CSMD1: variants seen among roughly 807,000 people sequenced by gnomAD.
CSMD1 encodes CUB and Sushi multiple domains 1, also known as CUB and sushi domain-containing protein 1.
A neutral mutation model predicts 417.5 loss-of-function variants in CSMD1; 213 were observed. The observed-to-expected ratio is 0.51, with a 90% confidence interval of 0.46 to 0.57. CSMD1 has a LOEUF of 0.57. Among genes scored for constraint, CSMD1 ranks in the 20% least tolerant of loss-of-function variants. CSMD1 has a pLI of 0.00. For synonymous variants in CSMD1, 2,862 were observed against 1,736.8 expected, an observed-to-expected ratio of 1.65 and a Z score of -16.11; for missense variants, 6,923 against 4,529.7, an observed-to-expected ratio of 1.53 and a Z score of -15.17.
intron 46 of CSMD1, among the ~76,000 whole-genome samples, chr8:3,106,008 T>A (rs1030193356): frequency 6.6e-6 from 1 of 152,222 alleles, no homozygotes; most frequent in Non-Finnish European, 1.5e-5. Context: ...GGCCTTGGTT[T>A]ATTTTCTAGG....
At chr8:4,481,982 G>A (rs1392439727) in intron 2 of CSMD1, among the ~76,000 whole-genome samples, 1 of 152,058 alleles carries the variant, frequency 6.6e-6, no homozygotes, top group Non-Finnish European at 1.5e-5. Flanking sequence ...ATATTATATA[G>A]GCTTTATCAG....
At chr8:3,957,542 G>A (rs909107562) in intron 5 of CSMD1, among the ~76,000 whole-genome samples, 1 of 151,970 alleles carries the variant, frequency 6.6e-6, no homozygotes, top group African/African-American at 2.4e-5. Flanking sequence ...AAACTAGCTG[G>A]GCATGGCGGG....
intron 51 of CSMD1, 86 bp downstream of exon 51, chr8:3,029,233 C>T (rs1810164783): frequency 1.9e-6 from 2 of 1,072,438 alleles, no homozygotes; most frequent in South Asian, 3.9e-5. Context: ...GATGATAGCT[C>T]CACTAGAGAA....
chr8:4,199,226 G>T (rs867184781), intron 3 of CSMD1, among the ~76,000 whole-genome samples: 7 of 152,126 alleles, frequency 4.6e-5, no homozygotes, highest in Middle Eastern at 6.8e-3. Flanking sequence ...TCCTCTTGAG[G>T]TTAGACCTAG....
chr8:4,533,956 A>T (rs1045226001), intron 2 of CSMD1, among the ~76,000 whole-genome samples: 2 of 149,298 alleles, frequency 1.3e-5, no homozygotes, highest in Admixed American at 1.3e-4. Flanking sequence ...ATTTATATAT[A>T]TAAATATAAA....
At chr8:3,884,872 C>T (rs920720910) in intron 5 of CSMD1, among the ~76,000 whole-genome samples, 2 of 150,220 alleles carry the variant, frequency 1.3e-5, no homozygotes, top group Non-Finnish European at 3.0e-5. Flanking sequence ...GAGAATTTTG[C>T]TACCATAAAA....
At chr8:4,383,824 G>C (rs1041893962) in intron 3 of CSMD1, among the ~76,000 whole-genome samples, 2 of 152,034 alleles carry the variant, frequency 1.3e-5, no homozygotes, top group Non-Finnish European at 2.9e-5. Context: ...TATTGTGAAA[G>C]TGGAACTTGA....
intron 7 of CSMD1, among the ~76,000 whole-genome samples, chr8:3,706,468 C>T (rs2129039042): frequency 6.6e-6 from 1 of 152,276 alleles, no homozygotes; most frequent in Non-Finnish European, 1.5e-5. Flanking sequence ...CTCATTTTCC[C>T]TAATGATTAA....
At chr8:4,729,912 T>C (rs962904968) in intron 1 of CSMD1, among the ~76,000 whole-genome samples, 13 of 152,192 alleles carry the variant, frequency 8.5e-5, no homozygotes, top group Admixed American at 3.3e-4. Context: ...AGCGGGAGTT[T>C]TGATTTTCAT....
intron 26 of CSMD1, among the ~76,000 whole-genome samples, chr8:3,236,388 G>T (rs898552273): frequency 6.6e-6 from 1 of 152,162 alleles, no homozygotes; most frequent in African/African-American, 2.4e-5. Flanking sequence ...AAGATGAAAA[G>T]TTCCTAGAGT....
At chr8:3,284,376 G>GC (rs765700593) in intron 25 of CSMD1, 30 bp from the exon 26 acceptor site, 2 of 1,549,802 alleles carry the variant, frequency 1.3e-6, no homozygotes, top group South Asian at 2.2e-5. Context: ...AGCGCTACTT[G>GC]CCGTGCATCG....
At chr8:4,670,457 C>G (rs1805225114) in intron 1 of CSMD1, among the ~76,000 whole-genome samples, 1 of 152,146 alleles carries the variant, frequency 6.6e-6, no homozygotes, top group Non-Finnish European at 1.5e-5. Context: ...GTCCTGTGAG[C>G]TAGATACGTG....
chr8:3,382,982 G>A (rs1810734944), intron 18 of CSMD1, among the ~76,000 whole-genome samples: 1 of 152,158 alleles, frequency 6.6e-6, no homozygotes, highest in South Asian at 2.1e-4. Context: ...CTTAAACGCT[G>A]TGACAAAGTC....
chr8:4,639,906 A>T (rs1325205394), intron 1 of CSMD1, among the ~76,000 whole-genome samples: 1 of 152,216 alleles, frequency 6.6e-6, no homozygotes, highest in Non-Finnish European at 1.5e-5. Flanking sequence ...CAATAATAAC[A>T]CTGTAACAAG....
intron 1 of CSMD1, among the ~76,000 whole-genome samples, chr8:4,806,957 A>G (rs1039435396): frequency 6.6e-6 from 1 of 152,194 alleles, no homozygotes; most frequent in African/African-American, 2.4e-5. Flanking sequence ...GTTCAATTCT[A>G]TGTGGCATTT....
chr8:4,289,420 TCTC>T lies in CSMD1; in HGVS notation c.415+130530_415+130532del, dbSNP rs569231151. On this transcript the variant is annotated intron_variant, in intron 3 of 69. Transcript: ENST00000635120. ...AGTAGAGGGAGCCAGGGCCTGTGTT[TCTC>T]CTATTTTTTGCACAAACACTCTAAA... Among the ~76,000 whole-genome samples the T allele has an allele frequency of 8.1e-3, 1,239 of 152,310 alleles. 14 individuals are homozygous for T. The highest frequency in any genetic ancestry group is 0.029 in the African/African-American group (1,203 of 41,550).
At chr8:3,955,856 G>A (rs147352491) in intron 5 of CSMD1, among the ~76,000 whole-genome samples, 334 of 152,314 alleles carry the variant, frequency 2.2e-3, no homozygotes, top group African/African-American at 7.7e-3. Context: ...TGAGATCTCT[G>A]TTCCCCCAGG....
chr8:2,956,627 G>A (rs962397905), intron 63 of CSMD1, among the ~76,000 whole-genome samples: 2 of 151,652 alleles, frequency 1.3e-5, no homozygotes, highest in South Asian at 2.1e-4. Flanking sequence ...CTAATTTTTT[G>A]TAGTTTTTTT....
At chr8:3,573,476 G>A (rs367760187) in intron 10 of CSMD1, among the ~76,000 whole-genome samples, 5 of 152,186 alleles carry the variant, frequency 3.3e-5, no homozygotes, top group Non-Finnish European at 7.3e-5. Flanking sequence ...AGCAAAGAGA[G>A]CCCAGAAATT....
Sources: gnomAD v4.1 joint callset for allele counts (sites outside exome capture counted in the v4.1 genomes callset) on GRCh38, gnomAD v4.1.1 for gene constraint, MANE v1.5 for transcripts, NCBI Gene and HGNC (gene_info 2026-07-23, HGNC 2026-07-21) for gene names.